The following CNOT6 variants were observed in gnomAD, a reference collection of about 807,000 sequenced individuals.
The protein encoded by CNOT6 is carbon catabolite repression 4 protein.
A neutral mutation model predicts 61.2 loss-of-function variants in CNOT6; 12 were observed. The observed-to-expected ratio is 0.20, with a 90% CI of 0.13 to 0.32. CNOT6 has a LOEUF of 0.32. Ranked by LOEUF, CNOT6 falls within the 10% of genes least tolerant of loss-of-function variation. CNOT6 has a pLI of 1.00. For missense variants in CNOT6, 405 were observed against 663.9 expected, an observed-to-expected ratio of 0.61 and a Z score of 4.28; for synonymous variants, 225 against 240.6, an observed-to-expected ratio of 0.94 and a Z score of 0.60.
chr5:180,538,801 C>T (rs1306524361), intron 2 of CNOT6, among the ~76,000 whole-genome samples: 1 of 151,050 alleles, frequency 6.6e-6, no homozygotes, highest in Non-Finnish European at 1.5e-5. Flanking sequence ...TTTACTTTAG[C>T]CCAGGAAGTG....
chr5:180,547,839 T>C (rs892936842), intron 2 of CNOT6, among the ~76,000 whole-genome samples: 2 of 151,972 alleles, frequency 1.3e-5, no homozygotes, highest in African/African-American at 4.8e-5. Flanking sequence ...GTTCAAGCGG[T>C]TCTCCTGCCT....
intron 1 of CNOT6, among the ~76,000 whole-genome samples, chr5:180,513,520 C>T (rs1373679162): frequency 6.6e-6 from 1 of 151,180 alleles, no homozygotes; most frequent in African/African-American, 2.4e-5. Context: ...GATACAGTCG[C>T]GTGCCACCAG....
chr5:180,568,518 C>T (rs1760581525), intron 9 of CNOT6, among the ~76,000 whole-genome samples: 1 of 151,164 alleles, frequency 6.6e-6, no homozygotes, highest in South Asian at 2.1e-4. Flanking sequence ...TCACACTGCA[C>T]TCCAACCTGG....
At chr5:180,533,714 C>A (rs1758520813) in intron 2 of CNOT6, among the ~76,000 whole-genome samples, 1 of 152,150 alleles carries the variant, frequency 6.6e-6, no homozygotes, top group Non-Finnish European at 1.5e-5. Context: ...CTTACTTAGC[C>A]CAGATTGGCT....
intron 1 of CNOT6, among the ~76,000 whole-genome samples, chr5:180,525,198 T>TA (rs1372566469): frequency 1.3e-5 from 2 of 152,210 alleles, no homozygotes; most frequent in Non-Finnish European, 2.9e-5. Context: ...TAGGATTACT[T>TA]ACTTCCTTCT....
intron 4 of CNOT6, among the ~76,000 whole-genome samples, chr5:180,557,400 T>C (rs1255233239): frequency 1.3e-5 from 2 of 152,138 alleles, no homozygotes; most frequent in Non-Finnish European, 2.9e-5. Flanking sequence ...GCATTTGGTG[T>C]TGTGACTGTT....
intron 10 of CNOT6, among the ~76,000 whole-genome samples, chr5:180,570,925 G>A (rs1490705432): frequency 6.6e-6 from 1 of 152,174 alleles, no homozygotes; most frequent in Non-Finnish European, 1.5e-5. Context: ...TTTGTAAAAA[G>A]TGGAAACAAC....
At chr5:180,542,438 T>C (rs185660872) in intron 2 of CNOT6, among the ~76,000 whole-genome samples, 2 of 152,134 alleles carry the variant, frequency 1.3e-5, no homozygotes, top group East Asian at 3.9e-4. Context: ...CTAATTTTTT[T>C]ATTTTTAGTA....
chr5:180,573,381 G>A (rs1250741071), intron 11 of CNOT6, among the ~76,000 whole-genome samples: 2 of 152,096 alleles, frequency 1.3e-5, no homozygotes, highest in Non-Finnish European at 2.9e-5. Flanking sequence ...CCTTGAGATG[G>A]CCATTAGCAA....
chr5:180,568,452 C>G (rs1478364885), intron 9 of CNOT6, among the ~76,000 whole-genome samples: 2 of 151,460 alleles, frequency 1.3e-5, no homozygotes, highest in African/African-American at 2.4e-5. Flanking sequence ...ACTTGGGAGG[C>G]TGAGGGAGAG....
intron 4 of CNOT6, among the ~76,000 whole-genome samples, chr5:180,558,073 C>G (rs1177051154): frequency 6.6e-6 from 1 of 152,146 alleles, no homozygotes; most frequent in Non-Finnish European, 1.5e-5. Context: ...ATGTGTCCAT[C>G]CTTCCGCCAA....
rs1581504600 is a variant in CNOT6, at chr5:180,529,257, G to A, written c.-2-18G>A. ...TATTTGATTTTTTAGAATACTGATTGGTTTCTTTTCTTAACAGGCATGCCC... is the reference window on the plus strand; with the variant it reads ...TATTTGATTTTTTAGAATACTGATTAGTTTCTTTTCTTAACAGGCATGCCC... On this transcript the variant is annotated intron_variant, in intron 1 of 11. Coordinates refer to ENST00000261951, the MANE Select transcript of CNOT6 (RefSeq NM_001370472.1). 1 of 1,310,344 alleles carries A rather than the reference G, an allele frequency of 7.6e-7. No individual in the cohort carries two copies. Among genetic ancestry groups the A allele is most frequent in the Non-Finnish European group, 1.1e-6 (1 of 912,122 alleles). The allele number at this position is 1,310,344 out of a possible 1,614,324, so 81.2% of individuals were successfully genotyped here.
In CNOT6 at chr5:180,549,796, C is replaced by T. The variant is rs1302767672; in HGVS notation, c.113-135C>T. On this transcript the variant is annotated intron_variant, in intron 2 of 11. Coordinates refer to ENST00000261951, the MANE Select transcript of CNOT6 (RefSeq NM_001370472.1). ...ATGAATCGTAGAATAGGTAAGATTT[C>T]CTGTTAACCCCTTCTCACAAGTTTT... 2.1e-5 allele frequency: 13 copies of T among 618,224 alleles called. No individual in the cohort carries two copies. In the Admixed American group the frequency reaches 3.4e-4, roughly 16 times the overall value. 38.3% of individuals were successfully genotyped at this position (618,224 alleles called of 1,614,324 possible).
intron 6 of CNOT6, 117 bp from the exon 7 acceptor site, chr5:180,565,702 TG>T (rs1170224886): frequency 1.1e-6 from 1 of 929,142 alleles, no homozygotes; most frequent in African/African-American, 1.7e-5. Flanking sequence ...AGCTTTTCAG[TG>T]ACTATAGATT....
intron 2 of CNOT6, among the ~76,000 whole-genome samples, chr5:180,538,108 C>T (rs1035006430): frequency 6.7e-6 from 1 of 148,764 alleles, no homozygotes; most frequent in African/African-American, 2.5e-5. Context: ...GCTGGATCTC[C>T]GCACATTGTA....
Position 180,567,071 on chromosome 5 carries a change from T to A in CNOT6, c.718-17T>A, listed in dbSNP as rs545964221. The A allele has an allele frequency of 5.0e-6, 8 of 1,590,794 alleles. No homozygotes were observed. In the African/African-American group the frequency reaches 1.1e-4, roughly 22 times the overall value. On this transcript the variant is annotated splice_polypyrimidine_tract_variant and intron_variant, in intron 7 of 11. Transcript: ENST00000261951. ...TTTTTGTCTTATGAAATAACTGTGC[T>A]GTTTACAACTTTTCAGGAGGTTGAA...
chr5:180,569,014 G>C (rs1050551390), intron 9 of CNOT6, 96 bp from the exon 10 acceptor site: 2 of 862,684 alleles, frequency 2.3e-6, no homozygotes, highest in Non-Finnish European at 1.8e-6. Context: ...TCTATTCTGG[G>C]ACTCTGAGAG....
At chr5:180,524,773 T>G (rs1296295827) in intron 1 of CNOT6, among the ~76,000 whole-genome samples, 1 of 152,238 alleles carries the variant, frequency 6.6e-6, no homozygotes. Flanking sequence ...TCAATAATTC[T>G]AATGATTAAT....
intron 9 of CNOT6, 89 bp downstream of exon 9, chr5:180,568,092 T>C: frequency 7.5e-7 from 1 of 1,341,764 alleles, no homozygotes; most frequent in Non-Finnish European, 1.0e-6. Flanking sequence ...TGTGTATTCA[T>C]GGTCTTGTCT....
Sources: allele counts gnomAD v4.1 joint callset (sites outside exome capture counted in the v4.1 genomes callset), GRCh38; gene constraint gnomAD v4.1.1; transcripts MANE v1.5; gene names NCBI Gene and HGNC (gene_info 2026-07-23, HGNC 2026-07-21).